The following EVI5 variants were observed in gnomAD, a reference collection of about 807,000 sequenced individuals.
EVI5 encodes the protein ecotropic viral integration site 5 protein homolog.
Under a neutral mutation model 112.0 loss-of-function variants are expected in EVI5, and 73 were observed. The ratio of observed to expected loss-of-function variants is 0.65; its 90% CI spans 0.54 to 0.79. The LOEUF is 0.79. Ranked by LOEUF, EVI5 falls within the 30% of genes least tolerant of loss-of-function variation. The pLI is 0.00. For synonymous variants in EVI5, 305 were observed against 319.9 expected, an observed-to-expected ratio of 0.95 and a Z score of 0.50; for missense variants, 900 against 968.8, an observed-to-expected ratio of 0.93 and a Z score of 0.94.
intron 13 of EVI5, among the ~76,000 whole-genome samples, chr1:92,637,500 T>C (rs1278943644): frequency 2.0e-5 from 3 of 152,124 alleles, no homozygotes; most frequent in African/African-American, 2.4e-5. Context: ...TCCTACTCTA[T>C]AAAACATGAA....
chr1:92,788,751 G>A (rs972640672), upstream of EVI5, among the ~76,000 whole-genome samples: 11 of 151,826 alleles, frequency 7.2e-5, no homozygotes, highest in South Asian at 4.2e-4. Context: ...CCGAGATCGC[G>A]CCACTGCTCT....
At chr1:92,719,920 T>A (rs577562893) in intron 2 of EVI5, among the ~76,000 whole-genome samples, 76 of 152,152 alleles carry the variant, frequency 5.0e-4, no homozygotes, top group Admixed American at 8.5e-4. Flanking sequence ...AAACTCCCAT[T>A]CACAATTGCT....
At chr1:92,678,468 T>G (rs991230893) in intron 9 of EVI5, among the ~76,000 whole-genome samples, 1 of 152,024 alleles carries the variant, frequency 6.6e-6, no homozygotes, top group Admixed American at 6.6e-5. Context: ...AAAGTCAAGG[T>G]TGCAGTGAGC....
chr1:92,656,237 CAAG>C (rs1377149139), intron 13 of EVI5, among the ~76,000 whole-genome samples: 3 of 152,044 alleles, frequency 2.0e-5, no homozygotes, highest in African/African-American at 7.2e-5. Context: ...AAACTGATTC[CAAG>C]AAGAACTCTC....
intron 1 of EVI5, among the ~76,000 whole-genome samples, chr1:92,775,894 G>T (rs973995963): frequency 7.2e-5 from 11 of 152,108 alleles, no homozygotes; most frequent in Non-Finnish European, 1.3e-4. Flanking sequence ...GGATCACGAG[G>T]TCAGGAGATC....
intron 19 of EVI5, among the ~76,000 whole-genome samples, chr1:92,546,007 G>A (rs1021280825): frequency 7.2e-5 from 11 of 151,956 alleles, no homozygotes; most frequent in Admixed American, 5.9e-4. Flanking sequence ...AGGCCATGGT[G>A]CCGTGTGATT....
chr1:92,556,475 A>G (rs1667701587), intron 19 of EVI5, among the ~76,000 whole-genome samples: 1 of 152,230 alleles, frequency 6.6e-6, no homozygotes, highest in Non-Finnish European at 1.5e-5. Context: ...AAGTAAGATG[A>G]CATATAAAGA....
intron 19 of EVI5, among the ~76,000 whole-genome samples, chr1:92,558,642 C>G (rs1668032698): frequency 6.6e-6 from 1 of 152,110 alleles, no homozygotes; most frequent in Non-Finnish European, 1.5e-5. Flanking sequence ...CTCACTCTTT[C>G]TCTTCTACAA....
At chr1:92,770,288 G>A (rs1406416959) in intron 1 of EVI5, among the ~76,000 whole-genome samples, 1 of 152,134 alleles carries the variant, frequency 6.6e-6, no homozygotes, top group East Asian at 1.9e-4. Flanking sequence ...TACTCCATCA[G>A]CTGTATAGCA....
intron 1 of EVI5, among the ~76,000 whole-genome samples, chr1:92,752,445 G>A (rs1680329091): frequency 1.3e-5 from 2 of 152,140 alleles, no homozygotes; most frequent in Non-Finnish European, 2.9e-5. Flanking sequence ...AAAGTGCTGG[G>A]ATTACAGGCG....
intron 18 of EVI5, among the ~76,000 whole-genome samples, chr1:92,564,572 G>C (rs1447035358): frequency 6.6e-6 from 1 of 152,146 alleles, no homozygotes; most frequent in African/African-American, 2.4e-5. Context: ...GATCCTAAGA[G>C]TTTGTTTCAG....
chr1:92,636,951 A>G (rs1334971981), intron 13 of EVI5, among the ~76,000 whole-genome samples: 1 of 152,198 alleles, frequency 6.6e-6, no homozygotes, highest in African/African-American at 2.4e-5. Context: ...TTGCTATTTG[A>G]TAGTACTGTT....
At chr1:92,579,582 A>C (rs1319203497) in intron 18 of EVI5, among the ~76,000 whole-genome samples, 1 of 152,192 alleles carries the variant, frequency 6.6e-6, no homozygotes, top group Non-Finnish European at 1.5e-5. Context: ...TGACTAATAC[A>C]GTTATTAATA....
chr1:92,571,627 ACTATATT>A (rs1670339542), intron 18 of EVI5, among the ~76,000 whole-genome samples: 1 of 152,204 alleles, frequency 6.6e-6, no homozygotes, highest in Non-Finnish European at 1.5e-5. Context: ...GCAATGAATT[ACTATATT>A]CTAAGTGGGT....
At chr1:92,709,169 G>A (rs1672464250) in intron 2 of EVI5, among the ~76,000 whole-genome samples, 1 of 152,184 alleles carries the variant, frequency 6.6e-6, no homozygotes, top group South Asian at 2.1e-4. Flanking sequence ...AGTTTTGACA[G>A]AGGGTGGGGT....
At chr1:92,525,267 CTTTT>C (rs745392747) in intron 19 of EVI5, among the ~76,000 whole-genome samples, 2 of 104,402 alleles carry the variant, frequency 1.9e-5, no homozygotes, top group South Asian at 3.2e-4. Context: ...ATGACAATGC[CTTTT>C]TTTTTTTTTT....
intron 1 of EVI5, among the ~76,000 whole-genome samples, chr1:92,748,760 C>G (rs1045666034): frequency 7.9e-5 from 12 of 151,860 alleles, no homozygotes; most frequent in Non-Finnish European, 1.5e-5. Flanking sequence ...GGTACAAGTA[C>G]ACTAAGAAAA....
rs1664905646 is a variant in EVI5, at chr1:92,542,068, T to C, written c.2166+21574A>G. On this transcript the variant is annotated intron_variant, in intron 19 of 19. Coordinates refer to ENST00000684568, the MANE Select transcript of EVI5 (RefSeq NM_001350197.2). ...CTGCACTTCCTCACTCGGCCTTGCA[T>C]GAAGTATTTCTCTGTAGCATTAGAT... Among the ~76,000 whole-genome samples, 4 of 152,218 alleles carry C rather than the reference T, an allele frequency of 2.6e-5. 1 individual carries two copies. Among genetic ancestry groups the C allele is most frequent in the Non-Finnish European group, 5.9e-5 (4 of 68,022 alleles).
chr1:92,658,794 C>T (rs2102132970), intron 13 of EVI5, among the ~76,000 whole-genome samples: 1 of 152,010 alleles, frequency 6.6e-6, no homozygotes, highest in East Asian at 1.9e-4. Flanking sequence ...GTAGAAAGAA[C>T]AATACTGGAG....
Sources: gnomAD v4.1 joint callset for allele counts (sites outside exome capture counted in the v4.1 genomes callset) on GRCh38, gnomAD v4.1.1 for gene constraint, MANE v1.5 for transcripts, NCBI Gene and HGNC (gene_info 2026-07-23, HGNC 2026-07-21) for gene names.